The following LUZP2 variants were observed in gnomAD, a reference collection of about 807,000 sequenced individuals.
LUZP2 encodes the protein leucine zipper protein 2.
Under a neutral mutation model 51.6 loss-of-function variants are expected in LUZP2, and 52 were observed. The ratio of observed to expected loss-of-function variants is 1.01; its 90% confidence interval spans 0.81 to 1.27. The LOEUF (loss-of-function observed/expected upper bound fraction) is 1.27. LUZP2 is among the 50% of genes most tolerant of loss of function. LUZP2 has a pLI of 0.00. For synonymous variants in LUZP2, 154 were observed against 137.3 expected (o/e 1.12, Z -0.85); for missense variants, 436 against 395.4 (o/e 1.10, Z -0.87).
At chr11:24,959,261 C>A (rs1293614312) in intron 7 of LUZP2, among the ~76,000 whole-genome samples, 1 of 151,984 alleles carries the variant, frequency 6.6e-6, no homozygotes, top group Non-Finnish European at 1.5e-5. Flanking sequence ...TCCATATGAA[C>A]TTTAAAGTAG....
intron 1 of LUZP2, among the ~76,000 whole-genome samples, chr11:24,544,285 A>C (rs1414180160): frequency 6.6e-6 from 1 of 152,018 alleles, no homozygotes; most frequent in East Asian, 1.9e-4. Context: ...TCTAAATAAA[A>C]ATAAACCTTT....
chr11:25,018,408 A>T (rs1031340002), intron 9 of LUZP2, among the ~76,000 whole-genome samples: 1 of 152,062 alleles, frequency 6.6e-6, no homozygotes, highest in African/African-American at 2.4e-5. Context: ...TTTAAACTCC[A>T]CTTTCTGAAA....
At chr11:24,545,244 T>C (rs1452729471) in intron 1 of LUZP2, among the ~76,000 whole-genome samples, 2 of 152,024 alleles carry the variant, frequency 1.3e-5, no homozygotes, top group East Asian at 3.9e-4. Flanking sequence ...TTTACTCTCT[T>C]GATAGTTTCT....
At chr11:25,061,647 G>A (rs1858840961) in intron 10 of LUZP2, among the ~76,000 whole-genome samples, 1 of 151,346 alleles carries the variant, frequency 6.6e-6, no homozygotes, top group Admixed American at 6.6e-5. Context: ...AGATGATGAA[G>A]GTATTTGGAA....
chr11:24,753,753 G>A (rs904267306), intron 4 of LUZP2, among the ~76,000 whole-genome samples: 5 of 152,058 alleles, frequency 3.3e-5, no homozygotes, highest in Non-Finnish European at 4.4e-5. Context: ...TCTCTTGTGC[G>A]AAAGACTTTG....
At chr11:24,677,894 G>A (rs974868001) in intron 1 of LUZP2, among the ~76,000 whole-genome samples, 14 of 151,910 alleles carry the variant, frequency 9.2e-5, no homozygotes, top group Non-Finnish European at 1.5e-4. Context: ...AAAATTAGCC[G>A]GGCATGGTGG....
intron 1 of LUZP2, among the ~76,000 whole-genome samples, chr11:24,598,712 G>A (rs1318550267): frequency 1.3e-5 from 2 of 152,120 alleles, no homozygotes; most frequent in African/African-American, 2.4e-5. Context: ...CAAAAATAGA[G>A]GCTTGCAATA....
intron 1 of LUZP2, among the ~76,000 whole-genome samples, chr11:24,667,248 A>G (rs1008279376): frequency 4.2e-5 from 6 of 144,296 alleles, no homozygotes; most frequent in Admixed American, 1.4e-4. Flanking sequence ...CAGTGGCACG[A>G]TCTCGGATCA....
intron 5 of LUZP2, among the ~76,000 whole-genome samples, chr11:24,896,476 G>A (rs777626457): frequency 9.9e-5 from 15 of 152,154 alleles, no homozygotes; most frequent in East Asian, 3.9e-4. Context: ...CAGCACCACC[G>A]GCCCACCCAT....
intron 7 of LUZP2, among the ~76,000 whole-genome samples, chr11:24,927,692 T>G (rs1854319556): frequency 6.6e-6 from 1 of 152,126 alleles, no homozygotes; most frequent in Non-Finnish European, 1.5e-5. Flanking sequence ...AGATTTGTTC[T>G]TTTTGCTTAG....
chr11:24,869,757 C>T (rs1175778188), intron 5 of LUZP2, among the ~76,000 whole-genome samples: 1 of 152,136 alleles, frequency 6.6e-6, no homozygotes, highest in Non-Finnish European at 1.5e-5. Flanking sequence ...CGCTCCCTCT[C>T]ATCAGGGGTC....
intron 1 of LUZP2, among the ~76,000 whole-genome samples, chr11:24,715,540 A>G (rs1565095015): frequency 6.6e-6 from 1 of 152,126 alleles, no homozygotes. Flanking sequence ...ACACTTTCAC[A>G]TCTACATTGT....
At chr11:24,879,152 G>T (rs192603268) in intron 5 of LUZP2, among the ~76,000 whole-genome samples, 1 of 151,902 alleles carries the variant, frequency 6.6e-6, no homozygotes, top group Non-Finnish European at 1.5e-5. Context: ...CACTGTGTTA[G>T]CCAGGATGGT....
intron 1 of LUZP2, among the ~76,000 whole-genome samples, chr11:24,728,277 A>G (rs905591262): frequency 6.6e-6 from 1 of 151,788 alleles, no homozygotes; most frequent in Admixed American, 6.6e-5. Flanking sequence ...TCCCTTCTAC[A>G]CTTATTCCAC....
chr11:24,948,702 T>C (rs1435527875), intron 7 of LUZP2, among the ~76,000 whole-genome samples: 2 of 151,712 alleles, frequency 1.3e-5, no homozygotes, highest in Non-Finnish European at 3.0e-5. Context: ...GCTTATAAAA[T>C]TTCCTCTTCT....
chr11:24,730,154 G>A (rs1412657762), intron 2 of LUZP2, among the ~76,000 whole-genome samples: 4 of 151,712 alleles, frequency 2.6e-5, no homozygotes, highest in Admixed American at 2.0e-4. Flanking sequence ...GGTGGTGGTG[G>A]TGGTGGTATT....
chr11:24,554,257 GAT>G (rs1339004065), intron 1 of LUZP2, among the ~76,000 whole-genome samples: 1 of 152,106 alleles, frequency 6.6e-6, no homozygotes, highest in African/African-American at 2.4e-5. Context: ...ATACATGTAT[GAT>G]ATGATTTTAA....
At chr11:24,566,020 G>GATAGAAA (rs1371341152) in intron 1 of LUZP2, among the ~76,000 whole-genome samples, 7 of 151,658 alleles carry the variant, frequency 4.6e-5, no homozygotes, top group African/African-American at 1.7e-4. Flanking sequence ...TAATGTAAAC[G>GATAGAAA]ATAGAAAATA....
intron 1 of LUZP2, among the ~76,000 whole-genome samples, chr11:24,606,160 G>C (rs1332510149): frequency 6.6e-6 from 1 of 151,198 alleles, no homozygotes; most frequent in Non-Finnish European, 1.5e-5. Context: ...TGTGTATGTG[G>C]GTAGACACAC....
Sources: allele counts gnomAD v4.1 joint callset (sites outside exome capture counted in the v4.1 genomes callset), GRCh38; gene constraint gnomAD v4.1.1; transcripts MANE v1.5; gene names NCBI Gene and HGNC (gene_info 2026-07-23, HGNC 2026-07-21).